HERC2: variants seen among roughly 807,000 people sequenced by gnomAD.
HERC2 encodes the protein HECT and RLD domain containing E3 ubiquitin protein ligase 2.
HERC2 carries 102 observed loss-of-function variants against 537.7 expected under a neutral mutation model. The observed-to-expected ratio is 0.19, with a 90% CI of 0.16 to 0.22. The LOEUF (loss-of-function observed/expected upper bound fraction) is 0.22. HERC2 is among the 10% of genes least tolerant of loss of function. The probability of loss-of-function intolerance (pLI) is 1.00; values close to 1 mark genes in which losing one functional copy is unlikely to be tolerated. For synonymous variants in HERC2, 2,224 were observed against 2,466.2 expected, an observed-to-expected ratio of 0.90 and a Z score of 2.91; for missense variants, 4,236 against 6,198.2, an observed-to-expected ratio of 0.68 and a Z score of 10.63.
chr15:28,197,940 C>G lies in HERC2; in HGVS notation c.8011+438G>C, dbSNP rs574966952. ...GAGTCTAATCCAAACCACAAACAAC[C>G]ACACAGTCCCCTATCCTGGTGATAT... On this transcript the variant is annotated intron_variant, in intron 50 of 92. Transcript: ENST00000261609. Among the ~76,000 whole-genome samples, 4 of 152,252 alleles carry G rather than the reference C, an allele frequency of 2.6e-5. No homozygotes were observed. In the East Asian group the frequency reaches 7.7e-4, roughly 29 times the overall value.
rs149280444 is a variant in HERC2 at position 28,144,206 on chromosome 15, C to G, written c.11170G>C (p.Val3724Leu). The part of the protein sequence containing the change: ...GPKELLSDRC[V>L]LSCPSMDLVT... ...AAGTCCATGGATGGACAGGAGAGGA[C>G]GCAGCGGTCAGAGAGGAGTTCTTTA... The change falls in exon 73 of 93, where the codon GTC (valine) becomes CTC (leucine). Residue 3724 changes from valine to leucine, a missense_variant. By Grantham distance (32) the Val-to-Leu change is conservative (BLOSUM62 1). Coordinates refer to ENST00000261609, the MANE Select transcript of HERC2 (RefSeq NM_004667.6). 3 of 1,614,040 alleles carry G rather than the reference C, an allele frequency of 1.9e-6. No homozygotes were observed. In the African/African-American group the frequency reaches 4.0e-5, roughly 22 times the overall value.
At chr15:28,261,746 C>T (rs1381204332) in intron 15 of HERC2, among the ~76,000 whole-genome samples, 1 of 152,160 alleles carries the variant, frequency 6.6e-6, no homozygotes. Context: ...TACTCTGCAA[C>T]TTATCTCAGA....
intron 35 of HERC2, among the ~76,000 whole-genome samples, chr15:28,224,982 C>T (rs1900966567): frequency 6.6e-6 from 1 of 152,228 alleles, no homozygotes; most frequent in African/African-American, 2.4e-5. Flanking sequence ...TGTGCTGCGC[C>T]AAAAGCAGGG....
In HERC2 at chr15:28,254,327, T is replaced by G. The variant is rs375734016; in HGVS notation, c.3050+13A>C. 48 of 1,542,706 alleles carry G rather than the reference T, an allele frequency of 3.1e-5. 1 individual carries two copies. In the South Asian group the frequency reaches 4.9e-4, roughly 16 times the overall value. ...TAAATAACATATAATACAATACAGC[T>G]ACTACGATTTACCTAAGAAGCTGTT... On this transcript the variant is annotated intron_variant, in intron 20 of 92. Transcript: ENST00000261609.
In HERC2 at chr15:28,274,383, G is replaced by A. The variant is rs367928013; in HGVS notation, c.708C>T (p.Pro236=). The part of the protein sequence containing the change: ...QESLDALRAL[P]EASLFDESTV... ...TGCTCTCGTCAAAGAGCGAGGCCTC[G>A]GGAAGTGCTCGCAGGGCGTCCAGGG... The change falls in exon 7 of 93, where the codon CCC becomes CCT. Residue 236 remains proline (P), a synonymous_variant. Coordinates refer to ENST00000261609, the MANE Select transcript of HERC2 (RefSeq NM_004667.6). 115 of 1,613,942 alleles carry A rather than the reference G, an allele frequency of 7.1e-5. 1 individual carries two copies. The highest frequency in any genetic ancestry group is 5.8e-5 in the Non-Finnish European group (69 of 1,179,992).
rs541210229 is a variant in HERC2, at chr15:28,180,293, T to C, written c.8938-1070A>G. Among the ~76,000 whole-genome samples, 33 of 152,308 alleles carry C rather than the reference T, an allele frequency of 2.2e-4. No individual in the cohort carries two copies. The South Asian group carries it at 6.6e-3, about 31-fold the overall frequency. On this transcript the variant is annotated intron_variant, in intron 57 of 92. Coordinates refer to ENST00000261609, the MANE Select transcript of HERC2 (RefSeq NM_004667.6). ...GGCTATACCATATAGCCTGAGTGTG[T>C]AGTAGGCTACACCATCTACCTTTGT...
intron 5 of HERC2, among the ~76,000 whole-genome samples, chr15:28,278,785 A>C (rs76901743): frequency 0.019 from 2,956 of 152,270 alleles, 94 homozygotes; most frequent in African/African-American, 0.067. Flanking sequence ...TCACTATCAC[A>C]GTCAAATAAA....
At chr15:28,259,657 T>TACAGAA (rs987775575) in intron 16 of HERC2, among the ~76,000 whole-genome samples, 11 of 151,720 alleles carry the variant, frequency 7.3e-5, no homozygotes, top group Admixed American at 5.9e-4. Context: ...AATTTTGCAA[T>TACAGAA]ACAGAAACAG....
At chr15:28,167,906 ATGCTTTACCTAAAAC>A in intron 67 of HERC2, 79 bp from the exon 68 acceptor site, 1 of 1,446,518 alleles carries the variant, frequency 6.9e-7, no homozygotes, top group Non-Finnish European at 9.4e-7. Flanking sequence ...CAAGTCCCAA[ATGCTTTACCTAAAAC>A]TACTTGGGCT....
chr15:28,121,240 G>C (rs1888850409), intron 86 of HERC2, 106 bp downstream of exon 86: 1 of 931,776 alleles, frequency 1.1e-6, no homozygotes, highest in Non-Finnish European at 1.7e-6. Flanking sequence ...TTTAAAGTTG[G>C]GGTGCACAGG....
intron 35 of HERC2, among the ~76,000 whole-genome samples, chr15:28,223,247 A>G (rs1456120398): frequency 2.0e-5 from 3 of 151,374 alleles, no homozygotes; most frequent in East Asian, 3.9e-4. Flanking sequence ...TAGATTTTTA[A>G]CCCCCCTTTT....
At chr15:28,162,904 A>G (rs568532572) in intron 69 of HERC2, among the ~76,000 whole-genome samples, 190 bp downstream of exon 69, 3 of 152,212 alleles carry the variant, frequency 2.0e-5, no homozygotes, top group African/African-American at 7.2e-5. Context: ...AAAACAAAAA[A>G]CAGGTAAAGG....
chr15:28,163,351 T>C, intron 68 of HERC2, 66 bp from the exon 69 acceptor site: 1 of 1,450,778 alleles, frequency 6.9e-7, no homozygotes, highest in Non-Finnish European at 9.4e-7. Context: ...GAGTCACCAG[T>C]TTACCCATAA....
chr15:28,311,431 T>A (rs2076943128), intron 2 of HERC2, among the ~76,000 whole-genome samples: 1 of 152,154 alleles, frequency 6.6e-6, no homozygotes, highest in African/African-American at 2.4e-5. Flanking sequence ...TGCCACTGCA[T>A]TCCAGCCTGG....
chr15:28,175,178 C>T (rs1484365071), intron 64 of HERC2, among the ~76,000 whole-genome samples: 1 of 151,896 alleles, frequency 6.6e-6, no homozygotes, highest in Non-Finnish European at 1.5e-5. Context: ...GCATGGATCC[C>T]TCCTCGCCAG....
At chr15:28,195,383 C>T (rs1474764511) in intron 52 of HERC2, among the ~76,000 whole-genome samples, 3 of 152,038 alleles carry the variant, frequency 2.0e-5, no homozygotes, top group African/African-American at 4.8e-5. Flanking sequence ...ATTGCTTGAA[C>T]CTAGGAGGCG....
chr15:28,220,429 A>T (rs1191011887), intron 37 of HERC2, 23 bp downstream of exon 37: 2 of 1,604,384 alleles, frequency 1.2e-6, no homozygotes, highest in Non-Finnish European at 1.7e-6. Context: ...GCCTTGGACT[A>T]AACACCTTCC....
At chr15:28,280,937 C>T (rs2076006284) in intron 4 of HERC2, among the ~76,000 whole-genome samples, 1 of 151,784 alleles carries the variant, frequency 6.6e-6, no homozygotes, top group Non-Finnish European at 1.5e-5. Context: ...TAACACAGAA[C>T]TTTGAAGTCA....
At position 28,251,491 on chromosome 15, in the gene HERC2, A is replaced by T. The variant is rs1368947726; in HGVS notation, c.3051-2755T>A. Among the ~76,000 whole-genome samples the T allele has an allele frequency of 1.1e-4, 17 of 150,818 alleles. No homozygotes were observed. In the East Asian group the frequency reaches 3.4e-3, roughly 30 times the overall value. Reference sequence around the variant, plus strand: ...CACATTAAGTAAAAAAAAAAAACAAAAAAACACATAAAACTAATTTTAATA... The same window carrying T: ...CACATTAAGTAAAAAAAAAAAACAATAAAACACATAAAACTAATTTTAATA... On this transcript the variant is annotated intron_variant, in intron 20 of 92. Coordinates refer to ENST00000261609, the MANE Select transcript of HERC2 (RefSeq NM_004667.6).
Sources: gnomAD v4.1 joint callset for allele counts (sites outside exome capture counted in the v4.1 genomes callset) on GRCh38, gnomAD v4.1.1 for gene constraint, MANE v1.5 for transcripts, NCBI Gene and HGNC (gene_info 2026-07-23, HGNC 2026-07-21) for gene names.